Variants in MOSMO observed in about 807,000 individuals in gnomAD.
MOSMO encodes the protein modulator of smoothened protein.
In MOSMO, 5 loss-of-function variants were observed where a neutral mutation model predicts 18.4. That is an observed-to-expected ratio of 0.27 (90% CI 0.14 to 0.57). The LOEUF (loss-of-function observed/expected upper bound fraction) is 0.57, where lower values mean the gene tolerates loss of function less well. Among genes scored for constraint, MOSMO ranks in the 20% least tolerant of loss-of-function variants. The pLI is 0.92. For missense variants in MOSMO, 138 were observed against 211.8 expected (o/e 0.65, Z 2.16); for synonymous variants, 82 against 82.3 (o/e 1.00, Z 0.02).
At chr16:22,087,049 C>T (rs866241353), downstream of MOSMO, 2 of 152,130 alleles carry the variant, frequency 1.3e-5, no homozygotes, top group Admixed American at 6.6e-5. Flanking sequence ...TTCCATTGAT[C>T]TCCTTAGAAT....
chr16:22,061,417 G>A (rs1244727452), intron 1 of MOSMO, among the ~76,000 whole-genome samples: 3 of 152,274 alleles, frequency 2.0e-5, no homozygotes, highest in East Asian at 3.9e-4. Context: ...TGGTGCCTGT[G>A]GATAGAATGC....
chr16:22,016,550 T>C (rs1321581029), intron 1 of MOSMO, among the ~76,000 whole-genome samples: 2 of 152,174 alleles, frequency 1.3e-5, no homozygotes, highest in African/African-American at 2.4e-5. Flanking sequence ...TACACACTTA[T>C]GGGACACATG....
chr16:22,080,258 G>C (rs1308513538), intron 2 of MOSMO, among the ~76,000 whole-genome samples: 1 of 152,076 alleles, frequency 6.6e-6, no homozygotes, highest in African/African-American at 2.4e-5. Flanking sequence ...ACTGTGTCAG[G>C]GACTAGACAT....
Position 22,081,606 on chromosome 16 carries a change from TAC to T in MOSMO, c.*728_*729del, listed in dbSNP as rs1901084606. ...ATATATATATTTTGCTGATGCAGTA[TAC>T]AGTGTGTATATATGTGTGTGTGTGT... On this transcript the variant is annotated 3_prime_UTR_variant, in exon 3 of 3. Transcript: ENST00000542527. 1.4e-5 allele frequency: 2 copies of T among 139,040 alleles called. No homozygotes were observed. Among genetic ancestry groups the T allele is most frequent in the South Asian group, 4.8e-4 (2 of 4,188 alleles). 8.6% of individuals were successfully genotyped at this position (139,040 alleles called of 1,614,324 possible).
chr16:22,046,500 G>A (rs942176952), intron 1 of MOSMO, among the ~76,000 whole-genome samples: 3 of 152,138 alleles, frequency 2.0e-5, no homozygotes, highest in Admixed American at 6.5e-5. Context: ...TAATAATCCT[G>A]TACAAGAATA....
Position 22,008,222 on chromosome 16 carries a change from C to A in MOSMO, c.-80C>A. 1 of 760,350 alleles carries A rather than the reference C, an allele frequency of 1.3e-6. No individual in the cohort carries two copies. Among genetic ancestry groups the A allele is most frequent in the Non-Finnish European group, 1.8e-6 (1 of 548,356 alleles). The allele number at this position is 760,350 out of a possible 1,614,324, so 47.1% of individuals were successfully genotyped here. On this transcript the variant is annotated 5_prime_UTR_variant, in exon 1 of 3. Transcript: ENST00000542527. Reference sequence around the variant, plus strand: ...GGCAGCGGCGCGGGGACTCCGGGCCCCGGCGGCGGCCCATGGGGCGGGAGG... The same window carrying A: ...GGCAGCGGCGCGGGGACTCCGGGCCACGGCGGCGGCCCATGGGGCGGGAGG...
At chr16:22,044,467 C>T (rs767379768) in intron 1 of MOSMO, among the ~76,000 whole-genome samples, 14 of 152,130 alleles carry the variant, frequency 9.2e-5, no homozygotes, top group Non-Finnish European at 1.3e-4. Flanking sequence ...CCCAAATGCT[C>T]CAGAATCCAA....
At chr16:22,074,343 G>A (rs1414304793) in intron 1 of MOSMO, among the ~76,000 whole-genome samples, 1 of 152,282 alleles carries the variant, frequency 6.6e-6, no homozygotes, top group African/African-American at 2.4e-5. Flanking sequence ...GCCAAGGCGG[G>A]AGGATCGCTT....
chr16:22,032,188 C>CT (rs1323183775), intron 1 of MOSMO, among the ~76,000 whole-genome samples: 3,499 of 132,670 alleles, frequency 0.026, 67 homozygotes, highest in Non-Finnish European at 0.037. Flanking sequence ...CTACCCTTTT[C>CT]TTTTTTTTTT....
intron 1 of MOSMO, among the ~76,000 whole-genome samples, chr16:22,039,587 T>C (rs529701692): frequency 6.6e-6 from 1 of 152,302 alleles, no homozygotes; most frequent in South Asian, 2.1e-4. Flanking sequence ...GTCCTAGCAC[T>C]TTGGGGGGCC....
At chr16:22,034,721 G>GT (rs778647297) in intron 1 of MOSMO, among the ~76,000 whole-genome samples, 228 of 40,866 alleles carry the variant, frequency 5.6e-3, no homozygotes, top group Middle Eastern at 0.026. Context: ...TTTAGAAACT[G>GT]TTTTTTTTGT....
chr16:22,075,531 G>T lies in MOSMO; in HGVS notation c.151G>T (p.Gly51Ter). Residue 51 changes from glycine to a stop codon, truncating the protein, a stop_gained, in exon 2 of 3, where the codon GGA becomes TGA. Transcript: ENST00000542527. LOFTEE classifies it high-confidence loss of function. Reference sequence around the variant, plus strand: ...CGTGCGACAGTGTCAAACAATCCATGGACGAGACCGGACGTGCATCCCTCC... The same window carrying T: ...CGTGCGACAGTGTCAAACAATCCATTGACGAGACCGGACGTGCATCCCTCC... Reference protein sequence around the residue: ...GLVRQCQTIHGRDRTCIPPRL... With the variant: ...GLVRQCQTIH 1 of 1,537,322 alleles carries T rather than the reference G, an allele frequency of 6.5e-7. No homozygotes were observed. Among genetic ancestry groups the T allele is most frequent in the Non-Finnish European group, 8.7e-7 (1 of 1,146,926 alleles).
At chr16:22,016,267 T>C (rs1277600290) in intron 1 of MOSMO, among the ~76,000 whole-genome samples, 1 of 152,180 alleles carries the variant, frequency 6.6e-6, no homozygotes, top group Admixed American at 6.5e-5. Flanking sequence ...CCTCAAAGGA[T>C]AGTTGTGAGG....
rs929883749 is a variant in MOSMO at position 22,081,612 on chromosome 16, G to T, written c.*732G>T. The T allele has an allele frequency of 7.1e-6, 1 of 141,474 alleles. No individual in the cohort carries two copies. Among genetic ancestry groups the T allele is most frequent in the African/African-American group, 2.6e-5 (1 of 37,782 alleles). 8.8% of individuals were successfully genotyped at this position (141,474 alleles called of 1,614,324 possible). On this transcript the variant is annotated 3_prime_UTR_variant, in exon 3 of 3. Coordinates refer to ENST00000542527, the MANE Select transcript of MOSMO (RefSeq NM_001164579.2). ...ATATTTTGCTGATGCAGTATACAGT[G>T]TGTATATATGTGTGTGTGTGTGTGT...
chr16:22,087,928 C>T (rs1278528053), downstream of MOSMO, among the ~76,000 whole-genome samples: 2 of 152,152 alleles, frequency 1.3e-5, no homozygotes, highest in Non-Finnish European at 2.9e-5. Context: ...CCCTCCTCCA[C>T]AATCCACCTT....
At chr16:22,059,747 A>G (rs980886597) in intron 1 of MOSMO, among the ~76,000 whole-genome samples, 1 of 152,150 alleles carries the variant, frequency 6.6e-6, no homozygotes, top group African/African-American at 2.4e-5. Flanking sequence ...AGTTTCCTCT[A>G]CCTGGTCTCT....
At chr16:22,019,285 A>G (rs946079195) in intron 1 of MOSMO, among the ~76,000 whole-genome samples, 3 of 152,094 alleles carry the variant, frequency 2.0e-5, no homozygotes, top group African/African-American at 7.2e-5. Context: ...CCTCTGTATT[A>G]CTTTCTGTTT....
chr16:22,008,228 G>T lies in MOSMO; in HGVS notation c.-74G>T, dbSNP rs1899428914. 1.2e-6 allele frequency: 1 copy of T among 841,304 alleles called. No individual in the cohort carries two copies. The highest frequency in any genetic ancestry group is 3.5e-5 in the Admixed American group (1 of 28,952). The allele number at this position is 841,304 out of a possible 1,614,324, so 52.1% of individuals were successfully genotyped here. A position where few individuals can be genotyped will look rare whatever the true frequency, so the allele number is the denominator to read the frequency against. On this transcript the variant is annotated 5_prime_UTR_variant, in exon 1 of 3. Transcript: ENST00000542527. ...GGCGCGGGGACTCCGGGCCCCGGCG[G>T]CGGCCCATGGGGCGGGAGGCGTGAG...
At chr16:22,062,448 G>C (rs931367088) in intron 1 of MOSMO, among the ~76,000 whole-genome samples, 2 of 151,980 alleles carry the variant, frequency 1.3e-5, no homozygotes, top group Non-Finnish European at 2.9e-5. Context: ...TCAGCCTCTT[G>C]AGTAGCTTGA....
Sources: allele counts gnomAD v4.1 joint callset (sites outside exome capture counted in the v4.1 genomes callset), GRCh38; gene constraint gnomAD v4.1.1; transcripts MANE v1.5; gene names NCBI Gene and HGNC (gene_info 2026-07-23, HGNC 2026-07-21).